The following SEMA4D variants were observed in gnomAD, a reference collection of about 807,000 sequenced individuals.
SEMA4D encodes semaphorin-4D.
Under a neutral mutation model 74.8 loss-of-function variants are expected in SEMA4D, and 22 were observed. That is an observed-to-expected ratio of 0.29 (90% CI 0.21 to 0.42). The LOEUF is 0.42. Ranked by LOEUF, SEMA4D falls within the 10% of genes least tolerant of loss-of-function variation. The pLI is 1.00. For synonymous variants in SEMA4D, 445 were observed against 463.7 expected (o/e 0.96, Z 0.52); for missense variants, 937 against 1,118.4 (o/e 0.84, Z 2.31).
At chr9:89,385,613 C>G in intron 13 of SEMA4D, 2 of 965,780 alleles carry the variant, frequency 2.1e-6, no homozygotes, top group Non-Finnish European at 2.5e-6. Context: ...GAGGTGACCA[C>G]GTAAAAGGAC....
chr9:89,470,897 C>G (rs1007919303), intron 1 of SEMA4D, among the ~76,000 whole-genome samples: 1 of 152,058 alleles, frequency 6.6e-6, no homozygotes, highest in South Asian at 2.1e-4. Context: ...TGGGAGGGAG[C>G]TGAATATAAA....
At chr9:89,362,233 T>C in exon 19 of SEMA4D, 3 of 1,153,380 alleles carry the variant, frequency 2.6e-6, no homozygotes, top group East Asian at 4.7e-5. Context: ...GCTTCTCCAC[T>C]GTCCCGCCTC....
intron 2 of SEMA4D, among the ~76,000 whole-genome samples, chr9:89,412,233 C>T (rs992835697): frequency 6.6e-6 from 1 of 152,116 alleles, no homozygotes; most frequent in African/African-American, 2.4e-5. Context: ...GGTAAGGAGC[C>T]AAGAGTAGAA....
intron 9 of SEMA4D, 134 bp from the exon 10 acceptor site, chr9:89,389,181 G>A: frequency 3.6e-6 from 3 of 841,998 alleles, no homozygotes; most frequent in Non-Finnish European, 5.6e-6. Context: ...CGGGCAACAG[G>A]AGACAGATGC....
intron 1 of SEMA4D, among the ~76,000 whole-genome samples, chr9:89,480,455 C>T (rs1340706698): frequency 6.6e-6 from 1 of 152,244 alleles, no homozygotes; most frequent in Non-Finnish European, 1.5e-5. Flanking sequence ...GGACTGGGCG[C>T]CGTGGAGCAG....
chr9:89,471,333 C>T (rs1438279534), intron 1 of SEMA4D, among the ~76,000 whole-genome samples: 2 of 152,074 alleles, frequency 1.3e-5, no homozygotes, highest in Admixed American at 6.6e-5. Flanking sequence ...TAAACTATAC[C>T]CTTAAACATG....
chr9:89,365,058 C>A (rs890448778), intron 16 of SEMA4D: 5 of 152,332 alleles, frequency 3.3e-5, no homozygotes, highest in African/African-American at 1.2e-4. Context: ...TTGGGACAGG[C>A]TCAACTCCCT....
At chr9:89,480,333 C>T (rs1318763630) in intron 1 of SEMA4D, among the ~76,000 whole-genome samples, 1 of 152,264 alleles carries the variant, frequency 6.6e-6, no homozygotes, top group Non-Finnish European at 1.5e-5. Flanking sequence ...CCCCACCAGA[C>T]TCAGGAGCCC....
At chr9:89,441,129 T>C (rs925828054) in intron 2 of SEMA4D, among the ~76,000 whole-genome samples, 13 of 152,226 alleles carry the variant, frequency 8.5e-5, no homozygotes, top group South Asian at 2.1e-4. Flanking sequence ...CGTCCACTGA[T>C]CTTAAAGTCT....
intron 1 of SEMA4D, among the ~76,000 whole-genome samples, chr9:89,480,709 C>T (rs189830700): frequency 6.6e-5 from 10 of 152,214 alleles, no homozygotes; most frequent in Middle Eastern, 3.2e-3. Flanking sequence ...CTGGCTGCTC[C>T]GAGTGCGGGG....
intron 2 of SEMA4D, among the ~76,000 whole-genome samples, chr9:89,422,561 G>A (rs528731648): frequency 2.0e-5 from 3 of 152,242 alleles, no homozygotes; most frequent in Non-Finnish European, 2.9e-5. Flanking sequence ...TCCCTGCCCC[G>A]AGCACCATGC....
At position 89,470,984 on chromosome 9, in the gene SEMA4D, CAT is replaced by C. The variant is rs772512365; in HGVS notation, c.-309-15033_-309-15032del. On this transcript the variant is annotated intron_variant, in intron 1 of 15. Transcript: ENST00000422704. ...TGTGGTCGTGGTTACACCATCTGCA[CAT>C]GTCTTAAAACTCACAGAAATGCACA... 6.6e-5 allele frequency among the ~76,000 whole-genome samples: 10 copies of C among 152,294 alleles called. No individual in the cohort carries two copies. In the South Asian group the frequency reaches 8.3e-4, roughly 13 times the overall value.
At chr9:89,426,330 G>A (rs1848100818) in intron 2 of SEMA4D, among the ~76,000 whole-genome samples, 1 of 152,220 alleles carries the variant, frequency 6.6e-6, no homozygotes, top group Non-Finnish European at 1.5e-5. Flanking sequence ...TTCATCTTTA[G>A]TGATTCTTTA....
exon 19 of SEMA4D, chr9:89,361,525 A>G (rs1832763416): frequency 6.6e-6 from 1 of 152,270 alleles, no homozygotes; most frequent in South Asian, 2.1e-4. Context: ...ACACACAGTG[A>G]CACAGTCTTC....
At position 89,379,451 on chromosome 9, in the gene SEMA4D, C is replaced by G; in HGVS notation, c.1842G>C (p.Leu614Phe). The change falls in exon 16 of 16, where the codon TTG becomes TTC. Residue 614 changes from leucine (L) to phenylalanine (F), a missense_variant. Coordinates refer to ENST00000422704, the MANE Select transcript of SEMA4D (RefSeq NM_001371194.2). Reference protein sequence around the residue: ...MGRKNLLIFNLSEGDSGVYQC... With the variant: ...MGRKNLLIFNFSEGDSGVYQC... The stretch of plus-strand genomic sequence containing the variant: ...GGTACACCCCACTGTCTCCTTCTGA[C>G]AAGTTGAAGATGAGCAAGTTTTTTC... The G allele has an allele frequency of 6.2e-7, 1 of 1,614,208 alleles. No individual in the cohort carries two copies. The highest frequency in any genetic ancestry group is 8.5e-7 in the Non-Finnish European group (1 of 1,180,040).
chr9:89,413,088 C>T (rs1428010093), intron 2 of SEMA4D, among the ~76,000 whole-genome samples: 1 of 152,250 alleles, frequency 6.6e-6, no homozygotes, highest in African/African-American at 2.4e-5. Flanking sequence ...GGGAGCTGAG[C>T]TGTATGCATG....
At chr9:89,442,164 G>A (rs1391971423) in intron 2 of SEMA4D, among the ~76,000 whole-genome samples, 1 of 131,284 alleles carries the variant, frequency 7.6e-6, no homozygotes, top group African/African-American at 2.8e-5. Flanking sequence ...CACATCTTCA[G>A]GCCAGAGACA....
intron 2 of SEMA4D, chr9:89,436,239 G>A (rs919601848): frequency 1.2e-4 from 18 of 152,254 alleles, no homozygotes; most frequent in African/African-American, 3.9e-4. Flanking sequence ...CAACCCCAGT[G>A]AGGGGTGAGA....
intron 2 of SEMA4D, chr9:89,418,327 C>T (rs927482535): frequency 2.4e-5 from 23 of 967,242 alleles, no homozygotes; most frequent in Non-Finnish European, 2.8e-5. Flanking sequence ...AACCACCCAC[C>T]CACGAACAGA....
Sources: gnomAD v4.1 joint callset for allele counts (sites outside exome capture counted in the v4.1 genomes callset) on GRCh38, gnomAD v4.1.1 for gene constraint, MANE v1.5 for transcripts, NCBI Gene and HGNC (gene_info 2026-07-23, HGNC 2026-07-21) for gene names.